The following STX8 variants were observed in gnomAD, a reference collection of about 807,000 sequenced individuals.
The protein encoded by STX8 is syntaxin 8.
A neutral mutation model predicts 37.5 loss-of-function variants in STX8; 23 were observed. The observed-to-expected ratio is 0.61, with a 90% CI of 0.44 to 0.87. The LOEUF is 0.87. STX8 is among the 40% of genes least tolerant of loss of function. The pLI is 0.00. For missense variants in STX8, 313 were observed against 284.7 expected, an observed-to-expected ratio of 1.10 and a Z score of -0.71; for synonymous variants, 115 against 99.1, an observed-to-expected ratio of 1.16 and a Z score of -0.95.
rs189429285 is a variant in STX8 at position 9,326,988 on chromosome 17, T to A, written c.643+51564A>T. On this transcript the variant is annotated intron_variant, in intron 7 of 7. Coordinates refer to ENST00000306357, the MANE Select transcript of STX8 (RefSeq NM_004853.3). The stretch of plus-strand genomic sequence containing the variant: ...CAGCCTGACCAACAGAGAAACCTCA[T>A]CTCTACTAAAAATACAAAATTAGCC... Among the ~76,000 whole-genome samples, 355 of 151,936 alleles carry A rather than the reference T, an allele frequency of 2.3e-3. 1 individual carries two copies. Among genetic ancestry groups the A allele is most frequent in the Middle Eastern group, 0.017 (5 of 292 alleles).
chr17:9,334,987 A>T (rs565516784), intron 7 of STX8, among the ~76,000 whole-genome samples: 3 of 152,132 alleles, frequency 2.0e-5, no homozygotes, highest in Non-Finnish European at 4.4e-5. Context: ...ACCATTTCTA[A>T]TCAGTAGTTC....
chr17:9,252,415 A>G lies in STX8; in HGVS notation c.644-1770T>C, dbSNP rs879729642. ...GCCGAGATTGCGCCACTGCACTCCA[A>G]ACTGGGCAACAGAGCAAGACTCTGT... On this transcript the variant is annotated intron_variant, in intron 7 of 7. Coordinates refer to ENST00000306357, the MANE Select transcript of STX8 (RefSeq NM_004853.3). Among the ~76,000 whole-genome samples the G allele has an allele frequency of 6.3e-4, 95 of 150,870 alleles. No individual in the cohort carries two copies. In the Middle Eastern group the frequency reaches 0.01, roughly 16 times the overall value.
intron 7 of STX8, among the ~76,000 whole-genome samples, chr17:9,358,617 G>A (rs142827387): frequency 1.8e-4 from 28 of 152,306 alleles, no homozygotes; most frequent in African/African-American, 6.7e-4. Context: ...CATGTTCGGT[G>A]ACACATTGAG....
intron 4 of STX8, among the ~76,000 whole-genome samples, chr17:9,543,234 T>C (rs918148176): frequency 2.0e-5 from 3 of 152,066 alleles, no homozygotes; most frequent in African/African-American, 7.2e-5. Flanking sequence ...CCTATGTCCT[T>C]ATTAATTTCT....
chr17:9,445,565 C>T (rs1207008943), intron 6 of STX8, among the ~76,000 whole-genome samples: 3 of 145,502 alleles, frequency 2.1e-5, no homozygotes, highest in Admixed American at 7.0e-5. Flanking sequence ...TAAAACACCA[C>T]GCAAGCGGGG....
intron 6 of STX8, among the ~76,000 whole-genome samples, chr17:9,390,836 CA>C (rs34205577): frequency 0.37 from 34,564 of 93,100 alleles, 3,343 homozygotes; most frequent in East Asian, 0.51. Flanking sequence ...GACTCCGTCT[CA>C]AAAAAAAAAA....
At chr17:9,416,061 C>T (rs573339762) in intron 6 of STX8, among the ~76,000 whole-genome samples, 1 of 152,310 alleles carries the variant, frequency 6.6e-6, no homozygotes, top group East Asian at 1.9e-4. Flanking sequence ...CCCTTGAGTT[C>T]TCATTCCCTA....
At chr17:9,414,276 G>C (rs990830995) in intron 6 of STX8, among the ~76,000 whole-genome samples, 3 of 151,354 alleles carry the variant, frequency 2.0e-5, no homozygotes, top group African/African-American at 7.3e-5. Flanking sequence ...AAATTGGAGG[G>C]AAAGGGCTGG....
intron 6 of STX8, among the ~76,000 whole-genome samples, chr17:9,430,472 A>G (rs1567557609): frequency 6.6e-6 from 1 of 151,580 alleles, no homozygotes; most frequent in Non-Finnish European, 1.5e-5. Flanking sequence ...GAAATCATAC[A>G]ATATTTGTCT....
At chr17:9,503,582 G>A (rs1370087342) in intron 5 of STX8, among the ~76,000 whole-genome samples, 1 of 151,910 alleles carries the variant, frequency 6.6e-6, no homozygotes, top group African/African-American at 2.4e-5. Flanking sequence ...ATGTTGCCTA[G>A]GCTGGTGTCA....
rs531872084 is a variant in STX8, at chr17:9,386,975, G to A, written c.542-8322C>T. 2.0e-5 allele frequency among the ~76,000 whole-genome samples: 3 copies of A among 150,760 alleles called. No individual in the cohort carries two copies. In the East Asian group the frequency reaches 6.0e-4, roughly 30 times the overall value. Reference sequence around the variant, plus strand: ...ACCTCCACCTCCCGGGTTCAAACAAGTCTCCTGCCTCAGCCTCCCAAGTAG... The same window carrying A: ...ACCTCCACCTCCCGGGTTCAAACAAATCTCCTGCCTCAGCCTCCCAAGTAG... On this transcript the variant is annotated intron_variant, in intron 6 of 7. Coordinates refer to ENST00000306357, the MANE Select transcript of STX8 (RefSeq NM_004853.3).
At chr17:9,289,119 G>GC (rs1908209690) in intron 7 of STX8, among the ~76,000 whole-genome samples, 1 of 152,178 alleles carries the variant, frequency 6.6e-6, no homozygotes, top group Non-Finnish European at 1.5e-5. Context: ...AGTAGTCAAG[G>GC]CAAGATGCCT....
intron 6 of STX8, among the ~76,000 whole-genome samples, chr17:9,390,609 C>T (rs569051616): frequency 3.4e-4 from 51 of 149,694 alleles, no homozygotes; most frequent in South Asian, 1.1e-3. Context: ...AGGTGGATCA[C>T]GAGGTCAGGA....
intron 7 of STX8, among the ~76,000 whole-genome samples, chr17:9,308,052 G>T (rs1035491742): frequency 6.6e-6 from 1 of 152,162 alleles, no homozygotes; most frequent in Non-Finnish European, 1.5e-5. Flanking sequence ...TGTATATGAC[G>T]TGGGGGCCTT....
rs796120971 is a variant in STX8 at position 9,377,121 on chromosome 17, C to T, written c.643+1431G>A. On this transcript the variant is annotated intron_variant, in intron 7 of 7. Transcript: ENST00000306357. ...CCCATTGTTCTAGCCTTCTTTCTTA[C>T]TGAGCAAACACAGCCAGGGAAGGTG... Among the ~76,000 whole-genome samples the T allele has an allele frequency of 7.9e-5, 12 of 152,192 alleles. No homozygotes were observed. In the South Asian group the frequency reaches 1.7e-3, roughly 21 times the overall value.
chr17:9,462,574 T>A (rs1890493296), intron 6 of STX8, among the ~76,000 whole-genome samples: 1 of 151,932 alleles, frequency 6.6e-6, no homozygotes, highest in African/African-American at 2.4e-5. Context: ...GTACAAAAAA[T>A]TCGCTGGGCG....
intron 7 of STX8, among the ~76,000 whole-genome samples, chr17:9,319,951 AAAAT>A (rs568147923): frequency 1.3e-5 from 2 of 151,342 alleles, no homozygotes; most frequent in Non-Finnish European, 2.9e-5. Context: ...GTCCATCTCA[AAAAT>A]AAATAAATAA....
intron 7 of STX8, among the ~76,000 whole-genome samples, chr17:9,303,972 C>CAA (rs376067622): frequency 1.7e-3 from 239 of 143,588 alleles, no homozygotes; most frequent in Middle Eastern, 3.5e-3. Context: ...CTTTTCATGA[C>CAA]AAAAAAAAAA....
intron 7 of STX8, among the ~76,000 whole-genome samples, chr17:9,351,943 T>C (rs1387446132): frequency 6.6e-6 from 1 of 151,860 alleles, no homozygotes; most frequent in Non-Finnish European, 1.5e-5. Flanking sequence ...GAGCTCAGGA[T>C]TTCAAGACCA....
Sources: allele counts gnomAD v4.1 joint callset (sites outside exome capture counted in the v4.1 genomes callset), GRCh38; gene constraint gnomAD v4.1.1; transcripts MANE v1.5; gene names NCBI Gene and HGNC (gene_info 2026-07-23, HGNC 2026-07-21).